The following ME1 variants were observed in gnomAD, a reference collection of about 807,000 sequenced individuals.
The protein encoded by ME1 is malic enzyme 1, also known as NADP-dependent malic enzyme.
In ME1, 74 loss-of-function variants were observed where a neutral mutation model predicts 66.4. The observed-to-expected ratio is 1.11, with a 90% CI of 0.92 to 1.35. The LOEUF is 1.35. ME1 is among the 40% of genes most tolerant of loss of function. ME1 has a pLI of 0.00. For missense variants in ME1, 750 were observed against 694.1 expected (o/e 1.08, Z -0.90); for synonymous variants, 251 against 235.6 (o/e 1.07, Z -0.60).
At chr6:83,357,485 G>A (rs1447551054) in intron 3 of ME1, among the ~76,000 whole-genome samples, 1 of 152,156 alleles carries the variant, frequency 6.6e-6, no homozygotes, top group Non-Finnish European at 1.5e-5. Flanking sequence ...GGCCCTTCAA[G>A]CTGGCTTCTA....
intron 5 of ME1, 93 bp from the exon 6 acceptor site, chr6:83,315,506 T>G: frequency 1.4e-6 from 1 of 734,872 alleles, no homozygotes. Flanking sequence ...GGGACAAAAA[T>G]AGAAATAAAA....
chr6:83,388,990 A>G (rs1307480591), intron 3 of ME1, among the ~76,000 whole-genome samples: 2 of 152,096 alleles, frequency 1.3e-5, no homozygotes, highest in African/African-American at 4.8e-5. Context: ...ATGGTGGTGC[A>G]TGCCTGTAAT....
chr6:83,233,625 C>T (rs1790342218), intron 9 of ME1, among the ~76,000 whole-genome samples: 1 of 151,938 alleles, frequency 6.6e-6, no homozygotes, highest in South Asian at 2.1e-4. Context: ...GAGTTTTTGA[C>T]ATGGTGTTTT....
At chr6:83,234,906 A>G (rs1790370027) in intron 9 of ME1, among the ~76,000 whole-genome samples, 1 of 152,186 alleles carries the variant, frequency 6.6e-6, no homozygotes, top group Admixed American at 6.5e-5. Context: ...CCTGTCTGTA[A>G]AGTGACTTAT....
At position 83,350,971 on chromosome 6, in the gene ME1, C is replaced by CAAA. The variant is rs34259968; in HGVS notation, c.438+1090_438+1092dup. On this transcript the variant is annotated intron_variant, in intron 4 of 13. Transcript: ENST00000369705. ...GAGGAAGCAACTTAGGTGGAGAAAG[C>CAAA]AAAAAAAAAAAAAAAAAAAAAAAAA... Among the ~76,000 whole-genome samples the CAAA allele has an allele frequency of 1.4e-3, 79 of 55,798 alleles. 4 individuals carry two copies. Among genetic ancestry groups the CAAA allele is most frequent in the Admixed American group, 2.2e-3 (10 of 4,450 alleles). 36.6% of individuals were successfully genotyped at this position (55,798 alleles called of 152,430 possible). A position where few individuals can be genotyped will look rare whatever the true frequency, so the allele number is the denominator to read the frequency against.
At position 83,407,768 on chromosome 6, in the gene ME1, C is replaced by T. The variant is rs758002631; in HGVS notation, c.212G>A (p.Arg71Lys). Residue 71 changes from arginine (R) to lysine (K), a missense_variant and splice_region_variant, in exon 2 of 14, where the codon AGG becomes AAG. Coordinates refer to ENST00000369705, the MANE Select transcript of ME1 (RefSeq NM_002395.6). ...AAAACCACCTTCAGCAATGTGTTAC[C>T]TGTCAAAGTCAGAGTTCAGATGCTC... Reference protein sequence around the residue: ...NFEHLNSDFDRYLLLMDLQDR... With the variant: ...NFEHLNSDFDKYLLLMDLQDR... The T allele has an allele frequency of 1.9e-6, 3 of 1,592,134 alleles. No individual in the cohort carries two copies. Among genetic ancestry groups the T allele is most frequent in the Non-Finnish European group, 2.6e-6 (3 of 1,173,798 alleles).
intron 6 of ME1, among the ~76,000 whole-genome samples, chr6:83,274,839 G>A (rs1767147035): frequency 1.3e-5 from 2 of 152,174 alleles, no homozygotes; most frequent in South Asian, 2.1e-4. Context: ...TCTGCTAGTC[G>A]GCTCATGCAC....
chr6:83,311,826 G>A (rs1185810907), intron 6 of ME1, among the ~76,000 whole-genome samples: 1 of 152,012 alleles, frequency 6.6e-6, no homozygotes, highest in African/African-American at 2.4e-5. Context: ...GCAAAAGTGG[G>A]GTGTGTGTGG....
chr6:83,227,094 A>G (rs564538318), intron 11 of ME1, among the ~76,000 whole-genome samples: 1 of 152,254 alleles, frequency 6.6e-6, no homozygotes, highest in East Asian at 1.9e-4. Flanking sequence ...ATCTATTTCC[A>G]AATCACTTGT....
intron 7 of ME1, among the ~76,000 whole-genome samples, chr6:83,247,537 A>G (rs1277820230): frequency 6.6e-6 from 1 of 152,118 alleles, no homozygotes; most frequent in Non-Finnish European, 1.5e-5. Context: ...GTTTAAAAAA[A>G]AAAAGAAAAG....
Position 83,370,145 on chromosome 6 carries a change from TAA to T in ME1, c.363-18008_363-18007del, listed in dbSNP as rs1449791321. On this transcript the variant is annotated intron_variant, in intron 3 of 13. Coordinates refer to ENST00000369705, the MANE Select transcript of ME1 (RefSeq NM_002395.6). ...AAAGACCGTTACATACTAAAATGGA[TAA>T]AGTTAGGAAGATATGTTCATACTTT... 4.6e-5 allele frequency among the ~76,000 whole-genome samples: 7 copies of T among 152,278 alleles called. No individual in the cohort carries two copies. In the East Asian group the frequency reaches 1.3e-3, roughly 29 times the overall value.
chr6:83,429,516 G>A (rs1347906137), intron 1 of ME1, among the ~76,000 whole-genome samples: 1 of 151,996 alleles, frequency 6.6e-6, no homozygotes, highest in African/African-American at 2.4e-5. Flanking sequence ...TTTTACTTTT[G>A]TTCTACTGAA....
At chr6:83,285,466 T>C (rs1767378966) in intron 6 of ME1, among the ~76,000 whole-genome samples, 1 of 152,144 alleles carries the variant, frequency 6.6e-6, no homozygotes, top group Admixed American at 6.5e-5. Flanking sequence ...TGAAGACAGA[T>C]AATAAATAAG....
chr6:83,249,727 A>G (rs865891466), intron 7 of ME1, among the ~76,000 whole-genome samples: 4 of 152,162 alleles, frequency 2.6e-5, no homozygotes, highest in African/African-American at 9.6e-5. Context: ...TGTGCTTGCC[A>G]TCACTCGGAA....
intron 7 of ME1, among the ~76,000 whole-genome samples, chr6:83,248,762 T>C (rs1221813232): frequency 6.6e-6 from 1 of 152,200 alleles, no homozygotes; most frequent in Non-Finnish European, 1.5e-5. Context: ...TGATTGTAAG[T>C]TTCCTGAGGC....
At chr6:83,367,244 T>C (rs968696181) in intron 3 of ME1, among the ~76,000 whole-genome samples, 3 of 152,222 alleles carry the variant, frequency 2.0e-5, no homozygotes, top group African/African-American at 7.2e-5. Flanking sequence ...TGTGCTGTCA[T>C]CCAGACTCTT....
chr6:83,317,890 G>T (rs1014505954), intron 5 of ME1, among the ~76,000 whole-genome samples: 3 of 152,032 alleles, frequency 2.0e-5, no homozygotes, highest in African/African-American at 7.2e-5. Context: ...CACACTACCT[G>T]ACTTCAAACT....
chr6:83,320,248 G>C (rs1028439622), intron 5 of ME1, among the ~76,000 whole-genome samples: 2 of 152,188 alleles, frequency 1.3e-5, no homozygotes, highest in Admixed American at 1.3e-4. Context: ...TGTTAAGAAG[G>C]TTAAACCTTC....
At chr6:83,375,472 A>G (rs2128547751) in intron 3 of ME1, among the ~76,000 whole-genome samples, 1 of 152,302 alleles carries the variant, frequency 6.6e-6, no homozygotes, top group South Asian at 2.1e-4. Context: ...GCAGTTGCTT[A>G]CCAGCTTAAG....
Sources: allele counts gnomAD v4.1 joint callset (sites outside exome capture counted in the v4.1 genomes callset), GRCh38; gene constraint gnomAD v4.1.1; transcripts MANE v1.5; gene names NCBI Gene and HGNC (gene_info 2026-07-23, HGNC 2026-07-21).